Variants in MCUR1 observed in about 807,000 individuals in gnomAD.
MCUR1 encodes the protein mitochondrial calcium uniporter regulator 1, also known as MCU regulator 1.
In MCUR1, 37 loss-of-function variants were observed where a neutral mutation model predicts 42.0. The ratio of observed to expected loss-of-function variants is 0.88; its 90% CI spans 0.68 to 1.16. The LOEUF is 1.16. Ranked by LOEUF, MCUR1 falls within the 50% of genes most tolerant of loss-of-function variation. MCUR1 has a pLI of 0.00. For missense variants in MCUR1, 469 were observed against 468.4 expected, an observed-to-expected ratio of 1.00 and a Z score of -0.01; for synonymous variants, 229 against 196.2, an observed-to-expected ratio of 1.17 and a Z score of -1.40.
At chr6:13,804,993 C>T (rs1183644762) in intron 2 of MCUR1, among the ~76,000 whole-genome samples, 1 of 152,054 alleles carries the variant, frequency 6.6e-6, no homozygotes, top group Non-Finnish European at 1.5e-5. Flanking sequence ...TGGCCTCCTA[C>T]TCAGCCAGTC....
In MCUR1 at chr6:13,786,927, T is replaced by A. The variant is rs989721283; in HGVS notation, c.*3882A>T. ...AACATTCTCAAATATTTTACATACA[T>A]GAAGAATAAATTATTTCTGGTTAAC... On this transcript the variant is annotated 3_prime_UTR_variant, in exon 9 of 9. Coordinates refer to ENST00000379170, the MANE Select transcript of MCUR1 (RefSeq NM_001031713.4). 1 of 152,170 alleles carries A rather than the reference T, an allele frequency of 6.6e-6. No individual in the cohort carries two copies. The highest frequency in any genetic ancestry group is 6.5e-5 in the Admixed American group (1 of 15,280). 9.4% of individuals were successfully genotyped at this position (152,170 alleles called of 1,614,324 possible).
chr6:13,800,429 G>T, intron 4 of MCUR1, 47 bp from the exon 5 acceptor site: 3 of 1,085,166 alleles, frequency 2.8e-6, no homozygotes, highest in South Asian at 1.5e-5. Context: ...AACATAAAAC[G>T]TAGTAACCAA....
chr6:13,793,674 G>C (rs949175320), intron 7 of MCUR1, among the ~76,000 whole-genome samples: 1 of 152,202 alleles, frequency 6.6e-6, no homozygotes, highest in African/African-American at 2.4e-5. Flanking sequence ...AGTGGCGATG[G>C]TTGCCCCAAA....
chr6:13,813,402 T>C (rs906422733), intron 1 of MCUR1, among the ~76,000 whole-genome samples: 4 of 152,318 alleles, frequency 2.6e-5, no homozygotes, highest in African/African-American at 9.6e-5. Flanking sequence ...ATAAAAATTA[T>C]TTGTATATAT....
intron 2 of MCUR1, among the ~76,000 whole-genome samples, chr6:13,806,181 G>A (rs1760107063): frequency 6.6e-6 from 1 of 152,104 alleles, no homozygotes; most frequent in Non-Finnish European, 1.5e-5. Context: ...TTGAACCCGA[G>A]GTGGAGGTTG....
chr6:13,807,997 T>G (rs997372310), intron 1 of MCUR1, among the ~76,000 whole-genome samples: 3 of 152,212 alleles, frequency 2.0e-5, no homozygotes, highest in Non-Finnish European at 4.4e-5. Context: ...GTTGAAAACT[T>G]AATCCCCAAA....
At chr6:13,790,950 GA>G in intron 8 of MCUR1, 86 bp from the exon 9 acceptor site, 1 of 1,042,352 alleles carries the variant, frequency 9.6e-7, no homozygotes, top group Non-Finnish European at 1.4e-6. Flanking sequence ...ACCTAAAAAA[GA>G]AAACCTAGAA....
At position 13,793,955 on chromosome 6, in the gene MCUR1, A is replaced by C; in HGVS notation, c.856-8T>G. On this transcript the variant is annotated splice_region_variant and splice_polypyrimidine_tract_variant and intron_variant, in intron 6 of 8. Transcript: ENST00000379170. ...CTTTTCGTTCAATGAATACTGAAATAAACACGTAACATGGGTCAGATTCTG... is the reference window on the plus strand; with the variant it reads ...CTTTTCGTTCAATGAATACTGAAATCAACACGTAACATGGGTCAGATTCTG... 1.2e-6 allele frequency: 2 copies of C among 1,613,200 alleles called. No individual in the cohort carries two copies. The highest frequency in any genetic ancestry group is 8.5e-7 in the Non-Finnish European group (1 of 1,179,676).
chr6:13,794,352 C>T (rs1759807686), intron 6 of MCUR1, among the ~76,000 whole-genome samples: 1 of 152,156 alleles, frequency 6.6e-6, no homozygotes, highest in South Asian at 2.1e-4. Context: ...TTAGGTCCCT[C>T]CCACTATTGT....
At chr6:13,794,040 T>C in intron 6 of MCUR1, 93 bp from the exon 7 acceptor site, 1 of 1,078,140 alleles carries the variant, frequency 9.3e-7, no homozygotes, top group Non-Finnish European at 1.4e-6. Context: ...CAGTACCTCC[T>C]AGAATACGTA....
chr6:13,800,622 C>T (rs1261738427), intron 4 of MCUR1, among the ~76,000 whole-genome samples: 1 of 152,218 alleles, frequency 6.6e-6, no homozygotes, highest in African/African-American at 2.4e-5. Flanking sequence ...AGTGACCCTG[C>T]TTTATTTAGT....
chr6:13,804,239 C>T, intron 2 of MCUR1: 1 of 186,164 alleles, frequency 5.4e-6, no homozygotes, highest in South Asian at 6.2e-5. Context: ...GGGAGGATCG[C>T]TTGAAACCGG....
chr6:13,810,220 A>C (rs1054725377), intron 1 of MCUR1, among the ~76,000 whole-genome samples: 1 of 152,164 alleles, frequency 6.6e-6, no homozygotes, highest in African/African-American at 2.4e-5. Context: ...AAAATTAATT[A>C]AAAATAAATA....
At chr6:13,813,046 C>A (rs1013889950) in intron 1 of MCUR1, among the ~76,000 whole-genome samples, 1 of 152,152 alleles carries the variant, frequency 6.6e-6, no homozygotes, top group South Asian at 2.1e-4. Context: ...CATTTAGATG[C>A]GCAAATACCA....
At chr6:13,792,051 C>A in intron 7 of MCUR1, 59 bp from the exon 8 acceptor site, 1 of 1,274,176 alleles carries the variant, frequency 7.8e-7, no homozygotes, top group South Asian at 1.2e-5. Flanking sequence ...TGCTCACCAT[C>A]CTATAGCTCC....
chr6:13,796,521 G>A (rs1584984062), intron 6 of MCUR1, among the ~76,000 whole-genome samples: 2 of 151,966 alleles, frequency 1.3e-5, no homozygotes, highest in African/African-American at 2.4e-5. Flanking sequence ...CCTGACCTCA[G>A]GTGATCCACC....
chr6:13,803,469 C>G (rs2113470044), intron 2 of MCUR1, among the ~76,000 whole-genome samples: 1 of 152,272 alleles, frequency 6.6e-6, no homozygotes, highest in African/African-American at 2.4e-5. Flanking sequence ...TTAAATGCTT[C>G]CAGCTATAAG....
intron 2 of MCUR1, chr6:13,804,058 C>G: frequency 1.0e-6 from 1 of 963,074 alleles, no homozygotes; most frequent in Non-Finnish European, 1.2e-6. Flanking sequence ...CAGTGGTTCA[C>G]GCCTGTAATC....
At chr6:13,803,634 C>A (rs748611693) in intron 2 of MCUR1, 101 of 551,334 alleles carry the variant, frequency 1.8e-4, no homozygotes, top group Non-Finnish European at 2.2e-4. Flanking sequence ...AGGAAAAAAA[C>A]CTCCAAAGAC....
Sources: gnomAD v4.1 joint callset for allele counts (sites outside exome capture counted in the v4.1 genomes callset) on GRCh38, gnomAD v4.1.1 for gene constraint, MANE v1.5 for transcripts, NCBI Gene and HGNC (gene_info 2026-07-23, HGNC 2026-07-21) for gene names.